The following GUCA1A variants were observed in gnomAD, a reference collection of about 807,000 sequenced individuals.
GUCA1A encodes the protein guanylate cyclase activator 1A.
GUCA1A carries 14 observed loss-of-function variants against 18.5 expected under a neutral mutation model. That is an observed-to-expected ratio of 0.76 (90% CI 0.50 to 1.18). GUCA1A has a LOEUF of 1.18. Ranked by LOEUF, GUCA1A falls within the 50% of genes most tolerant of loss-of-function variation. The pLI is 0.00. For synonymous variants in GUCA1A, 97 were observed against 100.2 expected (o/e 0.97, Z 0.19); for missense variants, 264 against 262.4 (o/e 1.01, Z -0.04).
In GUCA1A at chr6:42,179,531, A is replaced by G; in HGVS notation, c.*128A>G. 1.3e-6 allele frequency: 1 copy of G among 768,004 alleles called. No homozygotes were observed. Among genetic ancestry groups the G allele is most frequent in the African/African-American group, 1.7e-5 (1 of 57,282 alleles). 47.6% of individuals were successfully genotyped at this position (768,004 alleles called of 1,614,324 possible). On this transcript the variant is annotated 3_prime_UTR_variant, in exon 4 of 4. Transcript: ENST00000372958. ...GGCTTAGCTCGCCTCTTTAGGGTCC[A>G]TGGTGGCAGCAGAGAGGCAGAAGTG...
intron 1 of GUCA1A, among the ~76,000 whole-genome samples, chr6:42,176,013 C>T (rs1244815303): frequency 6.6e-6 from 1 of 152,178 alleles, no homozygotes; most frequent in Admixed American, 6.5e-5. Flanking sequence ...TCTTCCAATA[C>T]CAGATTTAAA....
At chr6:42,175,796 C>G (rs1400492345) in intron 1 of GUCA1A, among the ~76,000 whole-genome samples, 1 of 152,184 alleles carries the variant, frequency 6.6e-6, no homozygotes, top group Non-Finnish European at 1.5e-5. Flanking sequence ...TCCACACACA[C>G]CCCCGCCTTA....
intron 3 of GUCA1A, 84 bp from the exon 4 acceptor site, chr6:42,179,159 G>A: frequency 7.7e-7 from 1 of 1,297,062 alleles, no homozygotes; most frequent in Admixed American, 1.7e-5. Context: ...CTCTGTCCCT[G>A]CCCCTGGCAA....
At chr6:42,178,606 C>A in intron 2 of GUCA1A, 177 bp downstream of exon 2, 1 of 806,458 alleles carries the variant, frequency 1.2e-6, no homozygotes, top group Non-Finnish European at 2.2e-6. Context: ...CCTTCCTTGG[C>A]CTCAGTTTCC....
In GUCA1A at chr6:42,175,059, A is replaced by G. The variant is rs187823656; in HGVS notation, c.201+1245A>G. Among the ~76,000 whole-genome samples, 46 of 152,284 alleles carry G rather than the reference A, an allele frequency of 3.0e-4. 1 individual carries two copies. The East Asian group carries it at 6.6e-3, about 22-fold the overall frequency. ...GGCTTTCCCGAAGCGGGAGCAGGTG[A>G]GCAGAGTCCAGAGCCTGTGTACAGA... On this transcript the variant is annotated intron_variant, in intron 1 of 3. Transcript: ENST00000372958.
intron 1 of GUCA1A, 108 bp downstream of exon 1, chr6:42,173,922 G>A: frequency 1.2e-6 from 1 of 803,326 alleles, no homozygotes; most frequent in Non-Finnish European, 2.1e-6. Context: ...AGTGTCCGCT[G>A]GGGAGCAACT....
rs1554185941 is a variant in GUCA1A at position 42,173,637 on chromosome 6, G to A, written c.24G>A (p.Lys8=). 6.2e-7 allele frequency: 1 copy of A among 1,614,172 alleles called. No homozygotes were observed. Among genetic ancestry groups the A allele is most frequent in the Non-Finnish European group, 8.5e-7 (1 of 1,180,004 alleles). ...CAATGGGCAACGTGATGGAGGGAAA[G>A]TCAGTGGAGGAGCTGAGCAGCACCG... MGNVMEG[K]SVEELSSTEC... is the part of the protein sequence containing the mutation. The change falls in exon 1 of 4, where the codon AAG becomes AAA. Residue 8 remains lysine (K), a synonymous_variant. Coordinates refer to ENST00000372958, the MANE Select transcript of GUCA1A (RefSeq NM_001384910.1).
chr6:42,173,698 T>A lies in GUCA1A; in HGVS notation c.85T>A (p.Cys29Ser), dbSNP rs199885693. The A allele has an allele frequency of 6.2e-7, 1 of 1,613,852 alleles. No homozygotes were observed. Among genetic ancestry groups the A allele is most frequent in the East Asian group, 2.2e-5 (1 of 44,882 alleles). ...HQWYKKFMTECPSGQLTLYEF... is the reference protein window; with the variant it reads ...HQWYKKFMTESPSGQLTLYEF... The stretch of plus-strand genomic sequence containing the variant: ...GTGGTACAAGAAGTTCATGACTGAG[T>A]GCCCCTCTGGCCAACTCACCCTCTA... Residue 29 changes from cysteine to serine, a missense_variant, in exon 1 of 4, where the codon TGC (cysteine) becomes AGC (serine). Transcript: ENST00000372958.
At chr6:42,174,632 A>T (rs535836458) in intron 1 of GUCA1A, among the ~76,000 whole-genome samples, 1 of 152,308 alleles carries the variant, frequency 6.6e-6, no homozygotes, top group African/African-American at 2.4e-5. Context: ...CCTTGAGCCC[A>T]TCATTTCCCC....
intron 1 of GUCA1A, among the ~76,000 whole-genome samples, chr6:42,175,269 C>T (rs1767923915): frequency 6.6e-6 from 1 of 151,854 alleles, no homozygotes; most frequent in Non-Finnish European, 1.5e-5. Flanking sequence ...TGCAGAAGGA[C>T]CCTTACAGTC....
At chr6:42,176,378 G>A (rs1562058273) in intron 1 of GUCA1A, among the ~76,000 whole-genome samples, 1 of 152,180 alleles carries the variant, frequency 6.6e-6, no homozygotes, top group Non-Finnish European at 1.5e-5. Context: ...AGATTGGCTA[G>A]GAGATGGAAC....
intron 1 of GUCA1A, among the ~76,000 whole-genome samples, chr6:42,177,645 T>C (rs1488444074): frequency 6.6e-6 from 1 of 152,166 alleles, no homozygotes; most frequent in East Asian, 1.9e-4. Flanking sequence ...CCTCACCTGG[T>C]GTCCCCTCCC....
chr6:42,173,905 G>A, intron 1 of GUCA1A, 91 bp downstream of exon 1: 1 of 941,876 alleles, frequency 1.1e-6, no homozygotes, highest in Non-Finnish European at 1.7e-6. Context: ...GCAGAGAGGA[G>A]CATAGAAGTG....
chr6:42,174,283 C>T (rs920960979), intron 1 of GUCA1A, among the ~76,000 whole-genome samples: 1 of 152,204 alleles, frequency 6.6e-6, no homozygotes, highest in African/African-American at 2.4e-5. Context: ...AGGATGTGGG[C>T]AGAGGGGCAG....
At position 42,178,141 on chromosome 6, in the gene GUCA1A, T is replaced by G. The variant is rs548611058; in HGVS notation, c.202-139T>G. 178 of 992,332 alleles carry G rather than the reference T, an allele frequency of 1.8e-4. 1 individual carries two copies. The East Asian group carries it at 4.0e-3, about 23-fold the overall frequency. 61.5% of individuals were successfully genotyped at this position (992,332 alleles called of 1,614,324 possible). The stretch of plus-strand genomic sequence containing the variant: ...AGACAGGGCTGGCCCCCTCGCTGCA[T>G]CTCCGAGGGTCCGGGTCTCCCCTCA... On this transcript the variant is annotated intron_variant, in intron 1 of 3. Transcript: ENST00000372958.
intron 1 of GUCA1A, among the ~76,000 whole-genome samples, chr6:42,175,226 CT>C (rs1050460898): frequency 1.2e-4 from 18 of 151,998 alleles, no homozygotes; most frequent in African/African-American, 3.9e-4. Context: ...ATCTTCTCAC[CT>C]GCTAAGAAAA....
intron 3 of GUCA1A, 59 bp downstream of exon 3, chr6:42,178,954 AG>A: frequency 7.8e-7 from 1 of 1,274,868 alleles, no homozygotes; most frequent in Non-Finnish European, 1.1e-6. Flanking sequence ...TGGGGTCACC[AG>A]GGGTGGAAGG....
At position 42,173,696 on chromosome 6, in the gene GUCA1A, A is replaced by C. The variant is rs775194210; in HGVS notation, c.83A>C (p.Glu28Ala). Reference sequence around the variant, plus strand: ...CAGTGGTACAAGAAGTTCATGACTGAGTGCCCCTCTGGCCAACTCACCCTC... The same window carrying C: ...CAGTGGTACAAGAAGTTCATGACTGCGTGCCCCTCTGGCCAACTCACCCTC... ...CHQWYKKFMT[E>A]CPSGQLTLYE... Residue 28 changes from glutamate (E) to alanine (A), a missense_variant, in exon 1 of 4, where the codon GAG (glutamate) becomes GCG (alanine). Coordinates refer to ENST00000372958, the MANE Select transcript of GUCA1A (RefSeq NM_001384910.1). The C allele has an allele frequency of 6.2e-7, 1 of 1,613,824 alleles. No individual in the cohort carries two copies. The highest frequency in any genetic ancestry group is 1.7e-5 in the Admixed American group (1 of 60,024).
chr6:42,174,186 T>C (rs1767890181), intron 1 of GUCA1A, among the ~76,000 whole-genome samples: 1 of 152,156 alleles, frequency 6.6e-6, no homozygotes, highest in African/African-American at 2.4e-5. Flanking sequence ...CCAAAACGAG[T>C]GTAAACACTT....
Sources: allele counts gnomAD v4.1 joint callset (sites outside exome capture counted in the v4.1 genomes callset), GRCh38; gene constraint gnomAD v4.1.1; transcripts MANE v1.5; gene names NCBI Gene and HGNC (gene_info 2026-07-23, HGNC 2026-07-21).